The following PPP3CC variants were observed in gnomAD, a reference collection of about 807,000 sequenced individuals.
The protein encoded by PPP3CC is protein phosphatase 3 catalytic subunit gamma, also known as serine/threonine-protein phosphatase 2B catalytic subunit gamma isoform.
Under a neutral mutation model 60.3 loss-of-function variants are expected in PPP3CC, and 35 were observed. That is an observed-to-expected ratio of 0.58 (90% confidence interval 0.44 to 0.77). The LOEUF (loss-of-function observed/expected upper bound fraction) is 0.77. PPP3CC is among the 30% of genes least tolerant of loss of function. The probability of loss-of-function intolerance (pLI) is 0.00; values close to 1 mark genes in which losing one functional copy is unlikely to be tolerated. For missense variants in PPP3CC, 570 were observed against 628.9 expected (o/e 0.91, Z 1.00); for synonymous variants, 206 against 224.3 (o/e 0.92, Z 0.73).
chr8:22,464,603 A>G (rs796168529), intron 1 of PPP3CC, among the ~76,000 whole-genome samples: 78 of 152,262 alleles, frequency 5.1e-4, no homozygotes, highest in African/African-American at 1.8e-3. Context: ...GCTGGTCTCG[A>G]ACTCCTGAGC....
chr8:22,471,713 C>T (rs773545122), intron 1 of PPP3CC, among the ~76,000 whole-genome samples: 1 of 152,078 alleles, frequency 6.6e-6, no homozygotes, highest in Non-Finnish European at 1.5e-5. Context: ...CTGGAAGTTG[C>T]TCTGGGTGAG....
chr8:22,518,707 G>A (rs930367943), intron 6 of PPP3CC, among the ~76,000 whole-genome samples: 2 of 152,116 alleles, frequency 1.3e-5, no homozygotes, highest in African/African-American at 2.4e-5. Flanking sequence ...ATTATTTTGA[G>A]ATGGAGTCTC....
At chr8:22,483,775 ATTCT>A (rs1838141506) in intron 3 of PPP3CC, among the ~76,000 whole-genome samples, 1 of 152,118 alleles carries the variant, frequency 6.6e-6, no homozygotes, top group Admixed American at 6.5e-5. Flanking sequence ...GCCACATAAG[ATTCT>A]TTGTCATACA....
intron 1 of PPP3CC, among the ~76,000 whole-genome samples, chr8:22,466,767 T>A (rs1015744658): frequency 6.6e-6 from 1 of 152,200 alleles, no homozygotes; most frequent in African/African-American, 2.4e-5. Context: ...CTGTTTTTGC[T>A]TTTTGAGATG....
At chr8:22,505,061 T>C (rs2443498) in intron 4 of PPP3CC, among the ~76,000 whole-genome samples, 66,731 of 143,778 alleles carry the variant, frequency 0.46, 15,656 homozygotes, top group East Asian at 0.6. Flanking sequence ...GAGTCTCGCT[T>C]CGTCACCCAG....
chr8:22,459,943 G>A (rs889128442), intron 1 of PPP3CC, among the ~76,000 whole-genome samples: 1 of 152,140 alleles, frequency 6.6e-6, no homozygotes, highest in Admixed American at 6.5e-5. Context: ...TTAAGAAAAT[G>A]AAGAGGCAAG....
chr8:22,501,009 T>C (rs1176247931), intron 4 of PPP3CC, among the ~76,000 whole-genome samples: 1 of 151,920 alleles, frequency 6.6e-6, no homozygotes, highest in Non-Finnish European at 1.5e-5. Context: ...ACACAAAAAA[T>C]TAGCTGTGCA....
intron 3 of PPP3CC, among the ~76,000 whole-genome samples, chr8:22,485,681 T>G (rs532596686): frequency 4.6e-5 from 7 of 152,304 alleles, no homozygotes; most frequent in African/African-American, 1.7e-4. Context: ...TATGTCAAAG[T>G]CAAATGAAAC....
intron 3 of PPP3CC, chr8:22,492,574 C>T: frequency 2.3e-6 from 1 of 429,830 alleles, no homozygotes; most frequent in South Asian, 3.0e-5. Flanking sequence ...CCCCAAGCAC[C>T]AACCCTAGCC....
chr8:22,477,202 C>T (rs559283067), intron 3 of PPP3CC, among the ~76,000 whole-genome samples: 4 of 152,010 alleles, frequency 2.6e-5, no homozygotes, highest in African/African-American at 9.7e-5. Context: ...TGGGGCTGCG[C>T]GCAATGGCTC....
intron 3 of PPP3CC, among the ~76,000 whole-genome samples, chr8:22,483,186 AGG>A (rs1318484166): frequency 1.3e-5 from 2 of 152,260 alleles, no homozygotes; most frequent in African/African-American, 4.8e-5. Context: ...GTTCTACAAT[AGG>A]AGACCAAATT....
intron 1 of PPP3CC, among the ~76,000 whole-genome samples, chr8:22,444,418 GTAGT>G (rs1399094492): frequency 6.6e-5 from 10 of 152,228 alleles, no homozygotes; most frequent in Admixed American, 3.3e-4. Context: ...TACTACAGAA[GTAGT>G]TAGTAGAGAT....
Position 22,522,540 on chromosome 8 carries a change from A to T in PPP3CC, c.820A>T (p.Ile274Phe). 6.2e-7 allele frequency: 1 copy of T among 1,612,794 alleles called. No individual in the cohort carries two copies. The highest frequency in any genetic ancestry group is 8.5e-7 in the Non-Finnish European group (1 of 1,179,348). The change falls in exon 7 of 14, where the codon ATC becomes TTC. Residue 274 changes from isoleucine (I) to phenylalanine (F), a missense_variant. Coordinates refer to ENST00000240139, the MANE Select transcript of PPP3CC (RefSeq NM_005605.5). ...GCAGAACAATAATTTACTATCAATT[A>T]TCAGAGCCCATGAAGCCCAAGATGC... ...FLQNNNLLSIIRAHEAQDAGY... is the reference protein window; with the variant it reads ...FLQNNNLLSIFRAHEAQDAGY...
intron 6 of PPP3CC, among the ~76,000 whole-genome samples, chr8:22,514,768 C>T (rs1244820410): frequency 6.8e-6 from 1 of 147,168 alleles, no homozygotes; most frequent in East Asian, 2.0e-4. Flanking sequence ...GCATCCTCCA[C>T]TTCCCAGGTT....
intron 13 of PPP3CC, 38 bp from the exon 14 acceptor site, chr8:22,540,577 A>C: frequency 6.3e-7 from 1 of 1,581,258 alleles, no homozygotes; most frequent in East Asian, 2.3e-5. Context: ...TTTGCTGCCT[A>C]ATTGAGCTCT....
intron 4 of PPP3CC, 59 bp from the exon 5 acceptor site, chr8:22,511,027 C>T (rs1839069865): frequency 6.4e-7 from 1 of 1,554,408 alleles, no homozygotes; most frequent in Admixed American, 1.7e-5. Context: ...TGGCCTATAT[C>T]CTTTTTCAAA....
At chr8:22,484,553 A>C (rs973079243) in intron 3 of PPP3CC, among the ~76,000 whole-genome samples, 1 of 152,226 alleles carries the variant, frequency 6.6e-6, no homozygotes, top group Non-Finnish European at 1.5e-5. Flanking sequence ...TTGTGAACTA[A>C]ATTTTGAGTA....
chr8:22,528,682 T>G, intron 10 of PPP3CC, 105 bp downstream of exon 10: 1 of 858,060 alleles, frequency 1.2e-6, no homozygotes, highest in Non-Finnish European at 1.7e-6. Flanking sequence ...AAAAATAAAG[T>G]TAGTTCATTG....
At chr8:22,499,842 C>T (rs978021849) in intron 4 of PPP3CC, among the ~76,000 whole-genome samples, 1 of 152,160 alleles carries the variant, frequency 6.6e-6, no homozygotes, top group Non-Finnish European at 1.5e-5. Flanking sequence ...TCATTTTACC[C>T]TCATACCCTG....
Sources: gnomAD v4.1 joint callset for allele counts (sites outside exome capture counted in the v4.1 genomes callset) on GRCh38, gnomAD v4.1.1 for gene constraint, MANE v1.5 for transcripts, NCBI Gene and HGNC (gene_info 2026-07-23, HGNC 2026-07-21) for gene names.